The following RABGGTA variants were observed in gnomAD, a reference collection of about 807,000 sequenced individuals.
The protein encoded by RABGGTA is Rab geranylgeranyltransferase subunit alpha, also known as geranylgeranyl transferase type-2 subunit alpha.
In RABGGTA, 69 loss-of-function variants were observed where a neutral mutation model predicts 83.3. The observed-to-expected ratio is 0.83, with a 90% CI of 0.68 to 1.01. The LOEUF (loss-of-function observed/expected upper bound fraction) is 1.01. Ranked by LOEUF, RABGGTA falls within the 50% of genes least tolerant of loss-of-function variation. RABGGTA has a pLI of 0.00. For missense variants in RABGGTA, 681 were observed against 712.7 expected, an observed-to-expected ratio of 0.96 and a Z score of 0.51; for synonymous variants, 310 against 299.8, an observed-to-expected ratio of 1.03 and a Z score of -0.35.
At chr14:24,271,218 C>A (rs1254473838) in intron 1 of RABGGTA, 49 bp from the exon 2 acceptor site, 3 of 1,383,200 alleles carry the variant, frequency 2.2e-6, no homozygotes, top group Non-Finnish European at 2.9e-6. Context: ...CTAGCTCCGC[C>A]CACAGCTGTG....
In RABGGTA at chr14:24,271,138, C is replaced by T. The variant is rs778063242; in HGVS notation, c.-23G>A. The T allele has an allele frequency of 2.6e-6, 4 of 1,536,134 alleles. No individual in the cohort carries two copies. The South Asian group carries it at 3.8e-5, about 15-fold the overall frequency. Reference sequence around the variant, plus strand: ...CATGGTGCCGGCTCAGGGTTCAAGACAGGGGAAGGGTCCAGTGGTAGCCCT... The same window carrying T: ...CATGGTGCCGGCTCAGGGTTCAAGATAGGGGAAGGGTCCAGTGGTAGCCCT... On this transcript the variant is annotated 5_prime_UTR_variant, in exon 2 of 17. Coordinates refer to ENST00000216840, the MANE Select transcript of RABGGTA (RefSeq NM_182836.3).
chr14:24,266,980 G>A, intron 14 of RABGGTA, 91 bp from the exon 15 acceptor site: 1 of 944,272 alleles, frequency 1.1e-6, no homozygotes, highest in Non-Finnish European at 1.7e-6. Context: ...CATGCCCTCT[G>A]TGCCCCACAG....
intron 3 of RABGGTA, 112 bp downstream of exon 3, chr14:24,270,725 G>A: frequency 7.0e-7 from 1 of 1,433,620 alleles, no homozygotes; most frequent in South Asian, 1.3e-5. Flanking sequence ...ACAGTTATAA[G>A]TGAGATAACC....
At chr14:24,270,761 T>A (rs1375878791) in intron 3 of RABGGTA, 76 bp downstream of exon 3, 1 of 1,545,930 alleles carries the variant, frequency 6.5e-7, no homozygotes. Context: ...GCAGTCTGAC[T>A]CTAGGGACCA....
intron 16 of RABGGTA, among the ~76,000 whole-genome samples, chr14:24,266,192 C>G (rs370244029): frequency 6.6e-6 from 1 of 152,194 alleles, no homozygotes; most frequent in Non-Finnish European, 1.5e-5. Context: ...ACCTGAAGAA[C>G]AGCTGCGGGC....
rs761806460 is a variant in RABGGTA at position 24,265,627 on chromosome 14, G to A, written c.1692C>T (p.Ser564=). 30 of 1,613,418 alleles carry A rather than the reference G, an allele frequency of 1.9e-5. No homozygotes were observed. Among genetic ancestry groups the A allele is most frequent in the Non-Finnish European group, 2.3e-5 (27 of 1,179,738 alleles). The change falls in exon 17 of 17, where the codon AGC becomes AGT. Residue 564 remains serine, a synonymous_variant. Coordinates refer to ENST00000216840, the MANE Select transcript of RABGGTA (RefSeq NM_182836.3). ...QLAELLPSVS[S]VLT ...GGGGCAGGGCCTCTTAGGTGAGGAC[G>A]CTGCTAACTGAAGGCAGCAGTTCAG...
chr14:24,270,557 A>G (rs1156348683), intron 3 of RABGGTA, 99 bp from the exon 4 acceptor site: 8 of 1,448,032 alleles, frequency 5.5e-6, no homozygotes, highest in African/African-American at 2.8e-5. Flanking sequence ...TGAATCCCAC[A>G]TTATACAACA....
At chr14:24,268,890 G>A in intron 8 of RABGGTA, 21 bp downstream of exon 8, 1 of 1,577,706 alleles carries the variant, frequency 6.3e-7, no homozygotes, top group Non-Finnish European at 8.6e-7. Context: ...CAGTGCTCTT[G>A]ACAAAAGCTG....
intron 4 of RABGGTA, 90 bp downstream of exon 4, chr14:24,270,244 C>A: frequency 6.4e-7 from 1 of 1,569,316 alleles, no homozygotes; most frequent in Non-Finnish European, 8.7e-7. Context: ...ATCTATGCCA[C>A]TGGCTGCCCC....
In RABGGTA at chr14:24,270,377, A is replaced by G; in HGVS notation, c.196T>C (p.Trp66Arg). The G allele has an allele frequency of 6.2e-7, 1 of 1,613,968 alleles. No individual in the cohort carries two copies. Among genetic ancestry groups the G allele is most frequent in the Non-Finnish European group, 8.5e-7 (1 of 1,179,866 alleles). The part of the protein sequence containing the change: ...LGANPDFATL[W>R]NCRREVLQQL... Reference sequence around the variant, plus strand: ...TGGAGCACCTCTCGTCGGCAGTTCCAGAGGGTGGCAAAATCAGGGTTGGCT... The same window carrying G: ...TGGAGCACCTCTCGTCGGCAGTTCCGGAGGGTGGCAAAATCAGGGTTGGCT... The change falls in exon 4 of 17, where the codon TGG becomes CGG. Residue 66 changes from tryptophan (W) to arginine (R), a missense_variant. Coordinates refer to ENST00000216840, the MANE Select transcript of RABGGTA (RefSeq NM_182836.3).
chr14:24,271,254 C>T (rs1483679718), intron 1 of RABGGTA, 85 bp from the exon 2 acceptor site: 2 of 1,105,968 alleles, frequency 1.8e-6, no homozygotes, highest in East Asian at 2.6e-5. Flanking sequence ...CGTGCCTGGG[C>T]AGAGACCCCC....
At chr14:24,267,798 G>A in intron 13 of RABGGTA, 22 bp from the exon 14 acceptor site, 1 of 1,611,740 alleles carries the variant, frequency 6.2e-7, no homozygotes, top group South Asian at 1.1e-5. Context: ...GAGGTGGGCA[G>A]GGTATGCATG....
rs1198981275 is a variant in RABGGTA at position 24,268,623 on chromosome 14, G to A, written c.901-4C>T. The A allele has an allele frequency of 3.1e-6, 5 of 1,613,498 alleles. No individual in the cohort carries two copies. The highest frequency in any genetic ancestry group is 3.4e-6 in the Non-Finnish European group (4 of 1,179,614). On this transcript the variant is annotated splice_region_variant and splice_polypyrimidine_tract_variant and intron_variant, in intron 9 of 16. Coordinates refer to ENST00000216840, the MANE Select transcript of RABGGTA (RefSeq NM_182836.3). ...AGGCAGCAGGCAGGTCACAGAGCTG[G>A]GAGTACTGGGTCAAGGAAATGCCCC...
At chr14:24,265,857 CTGTT>C (rs1287927675) in intron 16 of RABGGTA, 94 bp from the exon 17 acceptor site, 2 of 1,462,402 alleles carry the variant, frequency 1.4e-6, no homozygotes, top group Admixed American at 5.0e-5. Flanking sequence ...GCCTGGAAGT[CTGTT>C]TGATGGGCAT....
At position 24,268,606 on chromosome 14, in the gene RABGGTA, G is replaced by A. The variant is rs777796239; in HGVS notation, c.914C>T (p.Pro305Leu). Residue 305 changes from proline (P) to leucine (L), a missense_variant, in exon 10 of 17, where the codon CCT becomes CTT. Physicochemically the swap from Pro to Leu is moderately conservative, Grantham distance 98. Transcript: ENST00000216840. ...RPSHVWLCDL[P>L]AASLNDQLPQ... ...CAACTGGTCGTTGAGGGAGGCAGCA[G>A]GCAGGTCACAGAGCTGGGAGTACTG... is the stretch of plus-strand genomic sequence containing the variant. 1.2e-6 allele frequency: 2 copies of A among 1,613,964 alleles called. No homozygotes were observed. The highest frequency in any genetic ancestry group is 4.5e-5 in the East Asian group (2 of 44,886).
At position 24,269,703 on chromosome 14, in the gene RABGGTA, G is replaced by C. The variant is rs754981514; in HGVS notation, c.428-9C>G. ...ATAGTCCCAGCAGTGAACTGGAGGG[G>C]AGAGGTGACAGCATATCTTAGAGGC... On this transcript the variant is annotated splice_polypyrimidine_tract_variant and intron_variant, in intron 5 of 16. Coordinates refer to ENST00000216840, the MANE Select transcript of RABGGTA (RefSeq NM_182836.3). The C allele has an allele frequency of 6.2e-7, 1 of 1,613,388 alleles. No individual in the cohort carries two copies. Among genetic ancestry groups the C allele is most frequent in the Non-Finnish European group, 8.5e-7 (1 of 1,179,406 alleles).
intron 3 of RABGGTA, 43 bp from the exon 4 acceptor site, chr14:24,270,501 C>T (rs2040934143): frequency 3.7e-6 from 6 of 1,609,296 alleles, no homozygotes; most frequent in Non-Finnish European, 5.1e-6. Flanking sequence ...ATAATTTTCC[C>T]ACTACAGGAC....
chr14:24,267,725 A>G lies in RABGGTA; in HGVS notation c.1288T>C (p.Leu430=). Reference sequence around the variant, plus strand: ...ATCTTGAGCACGCTATTCTCCAGCAAGAACTTGCTGCGCAGGTCATCCAGA... The same window carrying G: ...ATCTTGAGCACGCTATTCTCCAGCAGGAACTTGCTGCGCAGGTCATCCAGA... ...TYLDDLRSKF[L]LENSVLKMEY... is the part of the protein sequence containing the mutation. The change falls in exon 14 of 17, where the codon TTG becomes CTG. Residue 430 remains leucine, a synonymous_variant. Coordinates refer to ENST00000216840, the MANE Select transcript of RABGGTA (RefSeq NM_182836.3). 1 of 1,612,100 alleles carries G rather than the reference A, an allele frequency of 6.2e-7. No homozygotes were observed. The highest frequency in any genetic ancestry group is 1.1e-5 in the South Asian group (1 of 90,994).
rs760713919 is a variant in RABGGTA, at chr14:24,268,140, C to T, written c.1117G>A (p.Glu373Lys). 2 of 1,613,950 alleles carry T rather than the reference C, an allele frequency of 1.2e-6. No homozygotes were observed. The highest frequency in any genetic ancestry group is 2.2e-5 in the South Asian group (2 of 91,088). The change falls in exon 12 of 17, where the codon GAG (glutamate) becomes AAG (lysine). Residue 373 changes from glutamate to lysine, a missense_variant. By Grantham distance (56) the Glu-to-Lys change is moderately conservative (BLOSUM62 1). Around this residue, in one of 5 missense-constraint regions of RABGGTA, gnomAD observed 421 missense variants for 418.5 expected, o/e 1.01. Coordinates refer to ENST00000216840, the MANE Select transcript of RABGGTA (RefSeq NM_182836.3). ...TTCTCAGGCTCCAGCTCCTGCAGCT[C>T]CTTACAGGATTCCAGCTCAGACTGC... ...VLQSELESCK[E>K]LQELEPENKW...
Sources: allele counts gnomAD v4.1 joint callset (sites outside exome capture counted in the v4.1 genomes callset), GRCh38; gene constraint gnomAD v4.1.1; regional missense constraint gnomAD v4.1.1; transcripts MANE v1.5; gene names NCBI Gene and HGNC (gene_info 2026-07-23, HGNC 2026-07-21).